Variants in PARN observed in about 807,000 individuals in gnomAD.
PARN encodes the protein poly(A)-specific ribonuclease PARN.
PARN carries 71 observed loss-of-function variants against 102.8 expected under a neutral mutation model. That is an observed-to-expected ratio of 0.69 (90% CI 0.57 to 0.84). PARN has a LOEUF of 0.84. Among genes scored for constraint, PARN ranks in the 40% least tolerant of loss-of-function variants. The pLI is 0.00. For missense variants in PARN, 782 were observed against 760.9 expected (o/e 1.03, Z -0.33); for synonymous variants, 261 against 252.9 (o/e 1.03, Z -0.30).
At position 14,627,296 on chromosome 16, in the gene PARN, G is replaced by C; in HGVS notation, c.218C>G (p.Thr73Ser). Reference protein sequence around the residue: ...DFLLFQFGLCTFKYDYTDSKY... With the variant: ...DFLLFQFGLCSFKYDYTDSKY... The stretch of plus-strand genomic sequence containing the variant: ...TGAATCTGTGTAGTCATACTTAAAA[G>C]TGCAAAGGCCAAACTGAAATAGCAA... The change falls in exon 4 of 24, where the codon ACT (threonine) becomes AGT (serine). Residue 73 changes from threonine (T) to serine (S), a missense_variant. Transcript: ENST00000437198. 1 of 1,595,022 alleles carries C rather than the reference G, an allele frequency of 6.3e-7. No individual in the cohort carries two copies. The highest frequency in any genetic ancestry group is 8.5e-7 in the Non-Finnish European group (1 of 1,170,166).
intron 22 of PARN, among the ~76,000 whole-genome samples, chr16:14,451,869 C>CAAAAAAAAAAAAAAAAAAA (rs869041563): frequency 4.2e-4 from 22 of 52,496 alleles, no homozygotes; most frequent in Admixed American, 5.6e-4. Context: ...AAAAAAAATA[C>CAAAAAAAAAAAAAAAAAAA]AAAAAAAAAA....
At chr16:14,593,725 G>A (rs1016543037) in intron 12 of PARN, among the ~76,000 whole-genome samples, 13 of 151,926 alleles carry the variant, frequency 8.6e-5, no homozygotes, top group East Asian at 3.9e-4. Flanking sequence ...GGCCAGGCAC[G>A]GTGGCTCACA....
intron 21 of PARN, among the ~76,000 whole-genome samples, chr16:14,491,253 C>A (rs1171422074): frequency 6.6e-6 from 1 of 150,542 alleles, no homozygotes; most frequent in Non-Finnish European, 1.5e-5. Context: ...TGCAAACTTG[C>A]TGGTACACCC....
chr16:14,436,481 T>C lies in PARN; in HGVS notation c.*236A>G. The C allele has an allele frequency of 1.7e-6, 1 of 576,144 alleles. No homozygotes were observed. The highest frequency in any genetic ancestry group is 3.1e-6 in the Non-Finnish European group (1 of 324,144). The allele number at this position is 576,144 out of a possible 1,614,324, so 35.7% of individuals were successfully genotyped here. A position where few individuals can be genotyped will look rare whatever the true frequency, so the allele number is the denominator to read the frequency against. ...AATTCACTGGTTAAGCACGTACACA[T>C]TCATGACAGCCTACAACCGTGATGA... On this transcript the variant is annotated 3_prime_UTR_variant, in exon 24 of 24. Transcript: ENST00000437198.
rs897722817 is a variant in PARN, at chr16:14,549,540, C to T, written c.1480+2481G>A. ...AATAAAATACTTAGCTTAAAAGCTA[C>T]TGTTTTAAGAATTGTCCAGTAGTAA... On this transcript the variant is annotated intron_variant, in intron 21 of 23. Transcript: ENST00000437198. 2.0e-5 allele frequency among the ~76,000 whole-genome samples: 3 copies of T among 152,180 alleles called. No individual in the cohort carries two copies. The East Asian group carries it at 5.8e-4, about 29-fold the overall frequency.
intron 21 of PARN, among the ~76,000 whole-genome samples, chr16:14,487,564 CATTTT>C (rs754421242): frequency 6.6e-6 from 1 of 152,144 alleles, no homozygotes; most frequent in Admixed American, 6.5e-5. Flanking sequence ...AATATTCCAA[CATTTT>C]ATTTTATTTT....
At chr16:14,498,317 GC>G (rs1334727588) in intron 21 of PARN, among the ~76,000 whole-genome samples, 1 of 151,996 alleles carries the variant, frequency 6.6e-6, no homozygotes, top group Non-Finnish European at 1.5e-5. Context: ...ACCAAAAGCA[GC>G]CTCTCCCAAC....
intron 21 of PARN, among the ~76,000 whole-genome samples, chr16:14,526,965 T>C (rs80168428): frequency 0.043 from 6,545 of 152,264 alleles, 153 homozygotes; most frequent in African/African-American, 0.051. Flanking sequence ...CCTAATGGCT[T>C]TGGGTCAAAC....
At chr16:14,573,741 T>C (rs1434165513) in intron 18 of PARN, among the ~76,000 whole-genome samples, 1 of 152,216 alleles carries the variant, frequency 6.6e-6, no homozygotes, top group African/African-American at 2.4e-5. Context: ...TCACGAGATC[T>C]GGTGTTTTAA....
At chr16:14,526,604 C>T (rs1966022217) in intron 21 of PARN, among the ~76,000 whole-genome samples, 1 of 152,178 alleles carries the variant, frequency 6.6e-6, no homozygotes, top group African/African-American at 2.4e-5. Flanking sequence ...TTTTCCCAAA[C>T]CTCATCACAC....
chr16:14,572,483 T>C (rs1968872613), intron 18 of PARN, among the ~76,000 whole-genome samples: 1 of 152,202 alleles, frequency 6.6e-6, no homozygotes, highest in African/African-American at 2.4e-5. Context: ...ATGCAATTGC[T>C]TTCTATGGAG....
intron 21 of PARN, among the ~76,000 whole-genome samples, chr16:14,520,223 G>C (rs1192025302): frequency 6.6e-6 from 1 of 152,192 alleles, no homozygotes; most frequent in African/African-American, 2.4e-5. Context: ...GGGCAGAAGA[G>C]AGACACACTG....
At chr16:14,601,629 T>A (rs985862191) in intron 11 of PARN, among the ~76,000 whole-genome samples, 13 of 152,130 alleles carry the variant, frequency 8.5e-5, no homozygotes, top group African/African-American at 3.1e-4. Context: ...ACAATTAAAA[T>A]TTTTTTGGGG....
At chr16:14,455,137 A>G (rs180946222) in intron 22 of PARN, among the ~76,000 whole-genome samples, 7 of 152,350 alleles carry the variant, frequency 4.6e-5, no homozygotes, top group Non-Finnish European at 8.8e-5. Context: ...GTATTAACTA[A>G]TATTTGTTTT....
intron 21 of PARN, among the ~76,000 whole-genome samples, chr16:14,543,501 G>A: frequency 6.6e-6 from 1 of 152,202 alleles, no homozygotes; most frequent in East Asian, 1.9e-4. Context: ...AATGAATGCA[G>A]ATGTAATACA....
At chr16:14,511,472 T>C (rs547841680) in intron 21 of PARN, among the ~76,000 whole-genome samples, 7 of 150,524 alleles carry the variant, frequency 4.7e-5, no homozygotes, top group Non-Finnish European at 8.9e-5. Flanking sequence ...ACTTGGGAAG[T>C]GTTCAGGCAG....
chr16:14,591,479 A>G (rs1970189891), intron 13 of PARN, among the ~76,000 whole-genome samples: 1 of 152,130 alleles, frequency 6.6e-6, no homozygotes, highest in African/African-American at 2.4e-5. Flanking sequence ...CCAACCAATT[A>G]TTTTGTAAAT....
intron 21 of PARN, among the ~76,000 whole-genome samples, chr16:14,487,768 G>A (rs1220244014): frequency 6.6e-6 from 1 of 152,164 alleles, no homozygotes; most frequent in Non-Finnish European, 1.5e-5. Flanking sequence ...CTACAAAGAA[G>A]GGGAGGGCAT....
chr16:14,480,188 G>A (rs935837098), intron 22 of PARN, among the ~76,000 whole-genome samples: 4 of 151,746 alleles, frequency 2.6e-5, no homozygotes, highest in African/African-American at 9.7e-5. Flanking sequence ...CAAAAATTAC[G>A]CGGGCGTGGT....
Sources: gnomAD v4.1 joint callset for allele counts (sites outside exome capture counted in the v4.1 genomes callset) on GRCh38, gnomAD v4.1.1 for gene constraint, MANE v1.5 for transcripts, NCBI Gene and HGNC (gene_info 2026-07-23, HGNC 2026-07-21) for gene names.